The following NCAM2 variants were observed in gnomAD, a reference collection of about 807,000 sequenced individuals.
NCAM2 encodes the protein neural cell adhesion molecule 2, also known as N-CAM-2.
NCAM2 carries 30 observed loss-of-function variants against 98.1 expected under a neutral mutation model. The observed-to-expected ratio is 0.31, with a 90% CI of 0.23 to 0.41. NCAM2 has a LOEUF of 0.41. Among genes scored for constraint, NCAM2 ranks in the 10% least tolerant of loss-of-function variants. The pLI is 1.00. For synonymous variants in NCAM2, 368 were observed against 342.4 expected (o/e 1.07, Z -0.83); for missense variants, 867 against 1,005.8 (o/e 0.86, Z 1.87).
At chr21:21,432,027 A>G (rs1303771063) in intron 11 of NCAM2, 81 bp from the exon 12 acceptor site, 3 of 1,309,592 alleles carry the variant, frequency 2.3e-6, no homozygotes, top group East Asian at 4.7e-5. Flanking sequence ...CTTCACTCCT[A>G]GTTCTCATAA....
chr21:21,100,457 G>T (rs1276669474), intron 1 of NCAM2, among the ~76,000 whole-genome samples: 1 of 151,974 alleles, frequency 6.6e-6, no homozygotes, highest in East Asian at 1.9e-4. Context: ...GAAGTACAAG[G>T]TGGTGGTTGC....
intron 1 of NCAM2, among the ~76,000 whole-genome samples, chr21:21,213,876 G>A (rs905354849): frequency 6.6e-6 from 1 of 152,036 alleles, no homozygotes; most frequent in Non-Finnish European, 1.5e-5. Context: ...GTGACAGGAG[G>A]ATGTTCCAGG....
intron 9 of NCAM2, among the ~76,000 whole-genome samples, chr21:21,387,867 A>G (rs1205787252): frequency 6.6e-6 from 1 of 152,206 alleles, no homozygotes; most frequent in Non-Finnish European, 1.5e-5. Flanking sequence ...ATAATGTGGG[A>G]AACAGTGAGA....
At chr21:21,257,021 A>G (rs116181809) in intron 1 of NCAM2, among the ~76,000 whole-genome samples, 2,150 of 152,336 alleles carry the variant, frequency 0.014, 46 homozygotes, top group African/African-American at 0.049. Context: ...TTTTTAATCA[A>G]GCTGCTAAAG....
chr21:21,533,959 T>C (rs1471549164), intron 16 of NCAM2, among the ~76,000 whole-genome samples: 1 of 151,976 alleles, frequency 6.6e-6, no homozygotes, highest in Non-Finnish European at 1.5e-5. Flanking sequence ...TTGAAAAACG[T>C]GAATAAGTTA....
intron 1 of NCAM2, among the ~76,000 whole-genome samples, chr21:21,180,047 C>T (rs2068419682): frequency 6.6e-6 from 1 of 152,190 alleles, no homozygotes; most frequent in Admixed American, 6.5e-5. Flanking sequence ...TCTGGGAGAT[C>T]AGCTGGAGCT....
At chr21:21,019,058 A>C (rs953378411) in intron 1 of NCAM2, among the ~76,000 whole-genome samples, 3 of 152,194 alleles carry the variant, frequency 2.0e-5, no homozygotes, top group Non-Finnish European at 4.4e-5. Context: ...CCAGGCATTG[A>C]GGCCAATGAC....
chr21:21,310,228 C>T (rs1273212365), intron 5 of NCAM2, among the ~76,000 whole-genome samples: 3 of 152,064 alleles, frequency 2.0e-5, no homozygotes, highest in Admixed American at 6.6e-5. Flanking sequence ...TACTTTAATT[C>T]TCCCTCAGGT....
intron 12 of NCAM2, among the ~76,000 whole-genome samples, chr21:21,461,560 T>C (rs1458964780): frequency 6.6e-6 from 1 of 151,972 alleles, no homozygotes; most frequent in African/African-American, 2.4e-5. Context: ...ACATCATTAT[T>C]AGATTAATTT....
chr21:21,027,153 C>T (rs557277107), intron 1 of NCAM2, among the ~76,000 whole-genome samples: 8 of 152,208 alleles, frequency 5.3e-5, no homozygotes, highest in East Asian at 1.9e-4. Flanking sequence ...CCGCCGTGCC[C>T]GGCCCAAAAC....
chr21:21,391,009 A>G (rs2076368719), intron 9 of NCAM2, among the ~76,000 whole-genome samples: 1 of 152,174 alleles, frequency 6.6e-6, no homozygotes, highest in Non-Finnish European at 1.5e-5. Flanking sequence ...CAAGAAGAAA[A>G]TGGTATTTCT....
chr21:21,205,042 A>G (rs1289912786), intron 1 of NCAM2, among the ~76,000 whole-genome samples: 1 of 152,146 alleles, frequency 6.6e-6, no homozygotes, highest in Non-Finnish European at 1.5e-5. Context: ...ATATATATAT[A>G]TATGCAAGTG....
At chr21:21,353,539 G>A (rs534382360) in intron 8 of NCAM2, among the ~76,000 whole-genome samples, 39 of 152,154 alleles carry the variant, frequency 2.6e-4, no homozygotes, top group South Asian at 2.1e-4. Flanking sequence ...GGTCTCTCAC[G>A]TCCTATGCTA....
chr21:21,126,497 A>G (rs1225579794), intron 1 of NCAM2, among the ~76,000 whole-genome samples: 1 of 151,974 alleles, frequency 6.6e-6, no homozygotes, highest in Non-Finnish European at 1.5e-5. Flanking sequence ...CATAATAACC[A>G]TAGTATCAAC....
intron 1 of NCAM2, among the ~76,000 whole-genome samples, chr21:21,212,267 A>G (rs141874800): frequency 0.019 from 2,909 of 152,354 alleles, 37 homozygotes; most frequent in Non-Finnish European, 0.028. Flanking sequence ...TGAATTTTCC[A>G]CGAATTATGC....
chr21:21,302,194 A>C (rs542990306), intron 5 of NCAM2, among the ~76,000 whole-genome samples: 8 of 151,958 alleles, frequency 5.3e-5, no homozygotes, highest in African/African-American at 1.7e-4. Context: ...TCACAATAGC[A>C]AAGACTTGGA....
intron 14 of NCAM2, among the ~76,000 whole-genome samples, chr21:21,469,228 G>A (rs1984115745): frequency 6.6e-6 from 1 of 151,982 alleles, no homozygotes; most frequent in Admixed American, 6.6e-5. Context: ...TGGCCACGGT[G>A]AACTTGATGA....
chr21:21,180,509 A>C (rs922740161), intron 1 of NCAM2, among the ~76,000 whole-genome samples: 1 of 152,178 alleles, frequency 6.6e-6, no homozygotes, highest in Non-Finnish European at 1.5e-5. Context: ...ATAGTCAAAT[A>C]GGTAAATCTA....
chr21:21,109,118 C>T (rs1488906381), intron 1 of NCAM2, among the ~76,000 whole-genome samples: 1 of 152,004 alleles, frequency 6.6e-6, no homozygotes, highest in South Asian at 2.1e-4. Flanking sequence ...ATAATTTGTG[C>T]AGTGGTTGGA....
Sources: gnomAD v4.1 joint callset for allele counts (sites outside exome capture counted in the v4.1 genomes callset) on GRCh38, gnomAD v4.1.1 for gene constraint, MANE v1.5 for transcripts, NCBI Gene and HGNC (gene_info 2026-07-23, HGNC 2026-07-21) for gene names.